The following PDE3A variants were observed in gnomAD, a reference collection of about 807,000 sequenced individuals.
PDE3A encodes the protein cGMP-inhibited 3',5'-cyclic phosphodiesterase 3A.
A neutral mutation model predicts 98.3 loss-of-function variants in PDE3A; 43 were observed. The ratio of observed to expected loss-of-function variants is 0.44; its 90% CI spans 0.34 to 0.56. The LOEUF (loss-of-function observed/expected upper bound fraction) is 0.56, where lower values mean the gene tolerates loss of function less well. PDE3A is among the 20% of genes least tolerant of loss of function. The pLI is 0.01. For synonymous variants in PDE3A, 663 were observed against 567.9 expected, an observed-to-expected ratio of 1.17 and a Z score of -2.38; for missense variants, 1,427 against 1,440.7, an observed-to-expected ratio of 0.99 and a Z score of 0.15.
chr12:20,411,642 T>A (rs576622905), intron 1 of PDE3A, among the ~76,000 whole-genome samples: 16 of 149,034 alleles, frequency 1.1e-4, no homozygotes, highest in Non-Finnish European at 1.9e-4. Flanking sequence ...CTGCTTACTG[T>A]CATAATCTGT....
At chr12:20,477,585 T>A (rs1473789622) in intron 1 of PDE3A, among the ~76,000 whole-genome samples, 7 of 152,194 alleles carry the variant, frequency 4.6e-5, no homozygotes, top group Non-Finnish European at 1.0e-4. Context: ...AACGGATTTT[T>A]AAAAATAACC....
chr12:20,632,260 T>C (rs1944397435), intron 6 of PDE3A, among the ~76,000 whole-genome samples: 1 of 152,204 alleles, frequency 6.6e-6, no homozygotes. Flanking sequence ...GTAACGTTTT[T>C]CTATTTACAC....
At chr12:20,635,238 G>C (rs1280645119) in intron 8 of PDE3A, among the ~76,000 whole-genome samples, 182 bp downstream of exon 8, 5 of 152,054 alleles carry the variant, frequency 3.3e-5, no homozygotes, top group Non-Finnish European at 7.4e-5. Context: ...GACCAATATG[G>C]TGAAACCCCT....
intron 2 of PDE3A, among the ~76,000 whole-genome samples, chr12:20,607,619 C>T (rs910313270): frequency 1.3e-5 from 2 of 151,742 alleles, no homozygotes; most frequent in Non-Finnish European, 2.9e-5. Context: ...TAAATAGTGT[C>T]TAGGGAAATA....
At chr12:20,649,924 C>T (rs1354907277) in intron 13 of PDE3A, among the ~76,000 whole-genome samples, 1 of 146,988 alleles carries the variant, frequency 6.8e-6, no homozygotes, top group Non-Finnish European at 1.5e-5. Context: ...AAGACTCTGT[C>T]TCAAAAAAAG....
chr12:20,620,855 C>CA (rs1944116272), intron 4 of PDE3A, among the ~76,000 whole-genome samples: 1 of 151,850 alleles, frequency 6.6e-6, no homozygotes, highest in Non-Finnish European at 1.5e-5. Context: ...ATTTCATGGT[C>CA]ATTCAATTTT....
chr12:20,439,347 CT>C (rs1244053175), intron 1 of PDE3A, among the ~76,000 whole-genome samples: 1 of 152,118 alleles, frequency 6.6e-6, no homozygotes, highest in Non-Finnish European at 1.5e-5. Context: ...TGAATTTTGT[CT>C]GTTTATATCC....
intron 2 of PDE3A, among the ~76,000 whole-genome samples, chr12:20,560,673 G>A (rs1424986222): frequency 6.6e-6 from 1 of 152,118 alleles, no homozygotes; most frequent in Non-Finnish European, 1.5e-5. Context: ...TTAATGCTAA[G>A]GTGAGATGTG....
intron 1 of PDE3A, among the ~76,000 whole-genome samples, chr12:20,503,437 A>G (rs1340907330): frequency 1.3e-5 from 2 of 152,112 alleles, no homozygotes; most frequent in Non-Finnish European, 2.9e-5. Context: ...CTCTGTGGAA[A>G]AAAATAATTC....
chr12:20,663,353 C>A (rs1945227858), intron 15 of PDE3A, among the ~76,000 whole-genome samples: 1 of 152,186 alleles, frequency 6.6e-6, no homozygotes, highest in Admixed American at 6.5e-5. Context: ...GGGCCATTGT[C>A]CTCCAGACCC....
intron 6 of PDE3A, among the ~76,000 whole-genome samples, chr12:20,632,468 T>G (rs2121512225): frequency 6.6e-6 from 1 of 152,292 alleles, no homozygotes; most frequent in Non-Finnish European, 1.5e-5. Flanking sequence ...CCTGAGACCC[T>G]TTGTAATATC....
intron 2 of PDE3A, among the ~76,000 whole-genome samples, chr12:20,573,568 A>C (rs1382255119): frequency 2.0e-5 from 3 of 152,064 alleles, no homozygotes; most frequent in Non-Finnish European, 4.4e-5. Flanking sequence ...CAAACGCAAG[A>C]GGTAAGACTG....
At chr12:20,663,811 T>C (rs1184439687) in intron 15 of PDE3A, among the ~76,000 whole-genome samples, 1 of 152,116 alleles carries the variant, frequency 6.6e-6, no homozygotes, top group African/African-American at 2.4e-5. Flanking sequence ...AGTTAAGACA[T>C]TGGGGGACTT....
chr12:20,386,206 TATATATAAATATATA>T (rs1565532739), intron 1 of PDE3A, among the ~76,000 whole-genome samples: 852 of 63,810 alleles, frequency 0.013, 44 homozygotes, highest in Non-Finnish European at 0.015. Context: ...TATATAAAAA[TATATATAAATATATA>T]AAAAATAAAA....
chr12:20,403,816 A>T, intron 1 of PDE3A, among the ~76,000 whole-genome samples: 1 of 152,126 alleles, frequency 6.6e-6, no homozygotes, highest in East Asian at 1.9e-4. Context: ...ATTTTTATTT[A>T]GGTTTTTCTG....
intron 3 of PDE3A, 122 bp downstream of exon 3, chr12:20,613,822 T>C: frequency 1.5e-6 from 1 of 674,110 alleles, no homozygotes. Context: ...GCAAAATGTG[T>C]TGATCGTGGT....
rs1591850429 is a variant in PDE3A, at chr12:20,370,015, C to A, written c.731C>A (p.Ala244Asp). ...VAWRPYLAYL[A>D]GVLGILLARY... The stretch of plus-strand genomic sequence containing the variant: ...TGGAGACCTTACCTGGCGTACCTGG[C>A]CGGCGTGCTGGGGATCCTCTTGGCC... The change falls in exon 1 of 16, where the codon GCC becomes GAC. Residue 244 changes from alanine to aspartate, a missense_variant. Physicochemically the swap from Ala to Asp is moderately radical, Grantham distance 126. Coordinates refer to ENST00000359062, the MANE Select transcript of PDE3A (RefSeq NM_000921.5). The A allele has an allele frequency of 6.2e-7, 1 of 1,612,908 alleles. No homozygotes were observed. Among genetic ancestry groups the A allele is most frequent in the Non-Finnish European group, 8.5e-7 (1 of 1,179,922 alleles).
chr12:20,522,474 A>C (rs1946448113), intron 1 of PDE3A, among the ~76,000 whole-genome samples: 1 of 152,232 alleles, frequency 6.6e-6, no homozygotes, highest in African/African-American at 2.4e-5. Context: ...TAAGTATGCC[A>C]GAAAAGGCTG....
intron 1 of PDE3A, among the ~76,000 whole-genome samples, chr12:20,370,943 T>A (rs370127245): frequency 8.5e-5 from 13 of 152,362 alleles, no homozygotes; most frequent in African/African-American, 2.9e-4. Flanking sequence ...TTGGAATTGT[T>A]CAAAATTGTC....
Sources: gnomAD v4.1 joint callset for allele counts (sites outside exome capture counted in the v4.1 genomes callset) on GRCh38, gnomAD v4.1.1 for gene constraint, MANE v1.5 for transcripts, NCBI Gene and HGNC (gene_info 2026-07-23, HGNC 2026-07-21) for gene names.